Variants in DRC8 observed in about 807,000 individuals in gnomAD.
DRC8 encodes dynein regulatory complex protein 8.
the DRC8 span, among the ~76,000 whole-genome samples, chr1:245,100,574 A>G: frequency 6.6e-6 from 1 of 151,930 alleles, no homozygotes; most frequent in African/African-American, 2.4e-5. Flanking sequence ...TCAGCTCAGG[A>G]GTTCGAGACC....
chr1:245,017,271 A>G, the DRC8 span: 3 of 1,610,364 alleles, frequency 1.9e-6, no homozygotes, highest in Non-Finnish European at 2.5e-6. Flanking sequence ...TCACAAAAAA[A>G]TCAAAGAGGC....
chr1:245,105,886 G>A, the DRC8 span, among the ~76,000 whole-genome samples: 247 of 152,204 alleles, frequency 1.6e-3, no homozygotes, highest in African/African-American at 5.5e-3. Flanking sequence ...AGAGACGCCT[G>A]GGCAACAAAG....
chr1:245,009,312 C>A, the DRC8 span, among the ~76,000 whole-genome samples: 1 of 151,998 alleles, frequency 6.6e-6, no homozygotes, highest in Admixed American at 6.6e-5. Context: ...GGATTACAGG[C>A]ATAAGCCACT....
the DRC8 span, chr1:244,970,079 G>C: frequency 3.0e-6 from 2 of 656,164 alleles, no homozygotes; most frequent in South Asian, 1.7e-5. Flanking sequence ...AAATGGATGA[G>C]AAATAAGGGA....
chr1:244,976,759 T>A, the DRC8 span, among the ~76,000 whole-genome samples: 19 of 152,158 alleles, frequency 1.2e-4, no homozygotes, highest in Non-Finnish European at 4.4e-5. Context: ...AAAGTTGAGT[T>A]ACCATGTGAC....
At chr1:245,116,261 C>T in the DRC8 span, among the ~76,000 whole-genome samples, 3 of 151,974 alleles carry the variant, frequency 2.0e-5, no homozygotes, top group African/African-American at 7.2e-5. Flanking sequence ...ACCTATATCC[C>T]AATTACTTGG....
At chr1:245,020,567 T>C in the DRC8 span, among the ~76,000 whole-genome samples, 1 of 151,898 alleles carries the variant, frequency 6.6e-6, no homozygotes, top group African/African-American at 2.4e-5. Flanking sequence ...GTATTTGTTC[T>C]TTTCATTCTC....
the DRC8 span, among the ~76,000 whole-genome samples, chr1:245,096,496 A>G: frequency 2.0e-5 from 3 of 152,242 alleles, no homozygotes; most frequent in East Asian, 1.9e-4. Context: ...GGTACCAGAG[A>G]TGCCAAAATG....
chr1:245,052,175 G>A, the DRC8 span, among the ~76,000 whole-genome samples: 6 of 152,212 alleles, frequency 3.9e-5, no homozygotes, highest in South Asian at 2.1e-4. Context: ...ACGACTGAGC[G>A]GATTGTTAGG....
chr1:245,042,371 T>C, the DRC8 span, among the ~76,000 whole-genome samples: 1 of 152,220 alleles, frequency 6.6e-6, no homozygotes, highest in Non-Finnish European at 1.5e-5. Context: ...TCAGGAAGCA[T>C]ATCTTAGCAG....
At chr1:245,035,829 T>G in the DRC8 span, among the ~76,000 whole-genome samples, 6 of 145,372 alleles carry the variant, frequency 4.1e-5, no homozygotes, top group African/African-American at 7.8e-5. Flanking sequence ...ATCACACCAC[T>G]GCACTCCAGT....
At chr1:244,980,408 A>G in the DRC8 span, among the ~76,000 whole-genome samples, 3 of 152,280 alleles carry the variant, frequency 2.0e-5, no homozygotes, top group African/African-American at 7.2e-5. Flanking sequence ...GCAAGAGACA[A>G]TCATATTTGT....
the DRC8 span, among the ~76,000 whole-genome samples, chr1:245,056,752 A>T: frequency 6.6e-6 from 1 of 152,086 alleles, no homozygotes; most frequent in East Asian, 1.9e-4. Flanking sequence ...CCTGGCCAAC[A>T]TGGTGAGACC....
At chr1:245,040,247 C>T in the DRC8 span, among the ~76,000 whole-genome samples, 1 of 152,144 alleles carries the variant, frequency 6.6e-6, no homozygotes, top group Non-Finnish European at 1.5e-5. Context: ...CAGAAAAATG[C>T]CATAGTCTAT....
chr1:244,979,984 C>T, the DRC8 span, among the ~76,000 whole-genome samples: 8 of 136,110 alleles, frequency 5.9e-5, no homozygotes, highest in Admixed American at 2.5e-4. Context: ...GCAGGTGGAT[C>T]ACGAGGTCAG....
the DRC8 span, among the ~76,000 whole-genome samples, chr1:245,088,170 T>C: frequency 9.0e-3 from 1,376 of 152,316 alleles, 9 homozygotes; most frequent in Middle Eastern, 0.014. The surrounding 1 kb of genome is among the most constrained non-coding windows in gnomAD (Gnocchi z 4.6). Context: ...TGGAAAAATA[T>C]ATGGCATGGC....
At chr1:245,025,062 T>C in the DRC8 span, among the ~76,000 whole-genome samples, 1 of 152,184 alleles carries the variant, frequency 6.6e-6, no homozygotes, top group African/African-American at 2.4e-5. Flanking sequence ...TTTTTTAATT[T>C]AGTCAAATTA....
chr1:245,026,567 CT>C, the DRC8 span, among the ~76,000 whole-genome samples: 1 of 152,114 alleles, frequency 6.6e-6, no homozygotes, highest in Non-Finnish European at 1.5e-5. Flanking sequence ...GTTATCGATA[CT>C]GGGTCTGCAT....
the DRC8 span, among the ~76,000 whole-genome samples, chr1:245,063,928 G>A: frequency 2.0e-5 from 3 of 152,140 alleles, no homozygotes; most frequent in East Asian, 1.9e-4. Context: ...TCACCATGTC[G>A]GCCAGGCTGG....
Sources: gnomAD v4.1 joint callset for allele counts (sites outside exome capture counted in the v4.1 genomes callset) on GRCh38, gnomAD v4.1.1 for gene constraint, Gnocchi (gnomAD v3.1) non-coding constraint, MANE v1.5 for transcripts, NCBI Gene and HGNC (gene_info 2026-07-23, HGNC 2026-07-21) for gene names.